TRPM5: variants seen among roughly 807,000 people sequenced by gnomAD.
TRPM5 encodes MLSN1 and TRP-related.
In TRPM5, 121 loss-of-function variants were observed where a neutral mutation model predicts 124.9. That is an observed-to-expected ratio of 0.97 (90% CI 0.84 to 1.13). The LOEUF (loss-of-function observed/expected upper bound fraction) is 1.13. TRPM5 is among the 50% of genes most tolerant of loss of function. The pLI is 0.00. For missense variants in TRPM5, 1,643 were observed against 1,589.1 expected (o/e 1.03, Z -0.58); for synonymous variants, 781 against 700.5 (o/e 1.11, Z -1.81).
At chr11:2,443,832 C>G in the TRPM5 span, among the ~76,000 whole-genome samples, 29,873 of 149,346 alleles carry the variant, frequency 0.2, 4,334 homozygotes, top group African/African-American at 0.39. The surrounding 1 kb of genome is among the most constrained non-coding windows in gnomAD (Gnocchi z 5.0). Flanking sequence ...CACCCCCCCC[C>G]CAAGCCTGAG....
chr11:2,430,515 GT>G, the TRPM5 span, among the ~76,000 whole-genome samples: 4 of 151,154 alleles, frequency 2.6e-5, no homozygotes, highest in East Asian at 5.9e-4. Flanking sequence ...GATGGTGGTA[GT>G]AATGATGATG....
At chr11:2,410,453 G>A (rs975745888) in intron 18 of TRPM5, among the ~76,000 whole-genome samples, 13 of 152,188 alleles carry the variant, frequency 8.5e-5, no homozygotes, top group South Asian at 2.1e-4. Flanking sequence ...CTTCTCTGCC[G>A]GGTCTCCAAG....
exon 18 of TRPM5, chr11:2,411,368 T>C (rs1378606899): frequency 6.2e-7 from 1 of 1,605,122 alleles, no homozygotes; most frequent in Non-Finnish European, 8.5e-7. Context: ...TCTCGTCCAG[T>C]GGGATCTGGC....
In TRPM5 at chr11:2,406,061, A is replaced by AC. The variant is rs780297906; in HGVS notation, c.3281dup (p.Leu1095SerfsTer27). ...TGATGCGCTTTTCTTGCTCTCTCAGACCCCCGAGGTACTTGGCAATGAAGT... is the reference window on the plus strand; with the variant it reads ...TGATGCGCTTTTCTTGCTCTCTCAGACCCCCCGAGGTACTTGGCAATGAAGT... On this transcript the variant is annotated frameshift_variant, in exon 22 of 24. Transcript: ENST00000155858. LOFTEE classifies it high-confidence loss of function. 1 of 1,612,146 alleles carries AC rather than the reference A, an allele frequency of 6.2e-7. No homozygotes were observed. Among genetic ancestry groups the AC allele is most frequent in the Non-Finnish European group, 8.5e-7 (1 of 1,179,944 alleles).
chr11:2,407,772 T>C (rs1332757421), exon 19 of TRPM5: 7 of 1,613,594 alleles, frequency 4.3e-6, no homozygotes, highest in Non-Finnish European at 5.9e-6. Context: ...AACATGGCGA[T>C]GAGCAGGTTC....
chr11:2,426,367 G>A, upstream of TRPM5, among the ~76,000 whole-genome samples: 1 of 152,196 alleles, frequency 6.6e-6, no homozygotes, highest in East Asian at 1.9e-4. Flanking sequence ...AGGCAAATGG[G>A]CCCAGAGGGA....
chr11:2,405,719 T>G, intron 22 of TRPM5, 126 bp from the exon 28 acceptor site: 7 of 1,071,488 alleles, frequency 6.5e-6, no homozygotes, highest in Non-Finnish European at 9.6e-6. Context: ...CTCTGAGAGC[T>G]GCCGCTCACA....
At position 2,420,292 on chromosome 11, in the gene TRPM5, C is replaced by T. The variant is rs143865198; in HGVS notation, c.579G>A (p.Lys193=). ...GCCGCAGCTCCGTCAGCCCATCGCC[C>T]TTCCCCGGGGGGCCTGGCTCCACCA... The change falls in exon 4 of 24, where the codon AAG becomes AAA. Residue 193 remains lysine (K), a synonymous_variant. Transcript: ENST00000155858. 7.8e-5 allele frequency: 125 copies of T among 1,612,556 alleles called. No homozygotes were observed. In the African/African-American group the frequency reaches 1.4e-3, roughly 19 times the overall value.
the TRPM5 span, among the ~76,000 whole-genome samples, chr11:2,442,376 T>C: frequency 7.1e-6 from 1 of 141,144 alleles, no homozygotes; most frequent in Non-Finnish European, 1.6e-5. The surrounding 1 kb of genome is among the most constrained non-coding windows in gnomAD (Gnocchi z 5.9). Context: ...CATTCTTTGA[T>C]ACACACACAC....
chr11:2,410,175 T>C (rs993428520), intron 18 of TRPM5, among the ~76,000 whole-genome samples: 3 of 152,074 alleles, frequency 2.0e-5, no homozygotes, highest in Non-Finnish European at 4.4e-5. Flanking sequence ...CACCAAAATG[T>C]CAGGAGGGGC....
chr11:2,441,927 G>A, the TRPM5 span, among the ~76,000 whole-genome samples: 7 of 152,092 alleles, frequency 4.6e-5, no homozygotes, highest in East Asian at 3.9e-4. This position sits in a 1 kb window ranked among gnomAD's most constrained non-coding sequence, Gnocchi z 7.2. Context: ...GACCTCAAGC[G>A]ATCAGCCTGC....
At chr11:2,421,718 C>T (rs1012720459) in intron 2 of TRPM5, among the ~76,000 whole-genome samples, 2 of 152,308 alleles carry the variant, frequency 1.3e-5, no homozygotes, top group East Asian at 1.9e-4. Context: ...CTGCAGCTGG[C>T]GGCCCGACTG....
chr11:2,432,690 CTTCT>C, the TRPM5 span, among the ~76,000 whole-genome samples: 5 of 152,084 alleles, frequency 3.3e-5, no homozygotes, highest in Admixed American at 6.5e-5. Flanking sequence ...CAACCCACTT[CTTCT>C]TTGTCTTAGA....
chr11:2,413,666 C>G (rs1287912993), intron 12 of TRPM5, 78 bp from the exon 18 acceptor site: 1 of 1,372,918 alleles, frequency 7.3e-7, no homozygotes, highest in Non-Finnish European at 1.0e-6. Context: ...ATGCCCTTCC[C>G]CCAGGTGCCT....
intron 22 of TRPM5, 51 bp downstream of exon 27, chr11:2,405,968 C>T: frequency 6.5e-7 from 1 of 1,533,738 alleles, no homozygotes; most frequent in Non-Finnish European, 9.0e-7. Flanking sequence ...CCAGTAGCCC[C>T]ACGCAGCCAC....
chr11:2,428,924 A>T, the TRPM5 span, among the ~76,000 whole-genome samples: 4 of 112,882 alleles, frequency 3.5e-5, no homozygotes, highest in Non-Finnish European at 6.8e-5. The surrounding 1 kb of genome is among the most constrained non-coding windows in gnomAD (Gnocchi z 4.0). Context: ...GGTGTTGGTG[A>T]TGGTGATGGT....
At chr11:2,421,309 G>T in intron 2 of TRPM5, 111 bp from the exon 8 acceptor site, 1 of 1,346,044 alleles carries the variant, frequency 7.4e-7, no homozygotes. Flanking sequence ...GGGAGCCAGG[G>T]GTGGGTGCTG....
intron 12 of TRPM5, 52 bp downstream of exon 17, chr11:2,414,009 G>GGGGGGCGCCCCCCCCCCCC: frequency 4.9e-6 from 5 of 1,023,734 alleles, no homozygotes; most frequent in Non-Finnish European, 4.3e-6. Flanking sequence ...GGCCCAGCTC[G>GGGGGGCGCCCCCCCCCCCC]CCCGCCCACC....
intron 18 of TRPM5, among the ~76,000 whole-genome samples, chr11:2,410,412 G>A (rs1209425048): frequency 1.5e-4 from 14 of 91,248 alleles, no homozygotes; most frequent in Admixed American, 3.7e-4. Context: ...AGCCCCAGCC[G>A]CCTGACACCG....
Sources: allele counts gnomAD v4.1 joint callset (sites outside exome capture counted in the v4.1 genomes callset), GRCh38; gene constraint gnomAD v4.1.1; non-coding constraint Gnocchi (gnomAD v3.1); transcripts MANE v1.5; gene names NCBI Gene and HGNC (gene_info 2026-07-23, HGNC 2026-07-21).